Variants in NR4A1 observed in about 807,000 individuals in gnomAD.
The protein encoded by NR4A1 is nuclear receptor subfamily 4 group A member 1.
A neutral mutation model predicts 47.5 loss-of-function variants in NR4A1; 24 were observed. That is an observed-to-expected ratio of 0.50 (90% confidence interval 0.37 to 0.71). The LOEUF (loss-of-function observed/expected upper bound fraction) is 0.71, where lower values mean the gene tolerates loss of function less well. Among genes scored for constraint, NR4A1 ranks in the 30% least tolerant of loss-of-function variants. The pLI is 0.00. For synonymous variants in NR4A1, 353 were observed against 345.7 expected (o/e 1.02, Z -0.24); for missense variants, 669 against 788.6 (o/e 0.85, Z 1.82).
chr12:52,032,085 C>T (rs1036553390), intron 1 of NR4A1, among the ~76,000 whole-genome samples: 1 of 152,054 alleles, frequency 6.6e-6, no homozygotes, highest in Non-Finnish European at 1.5e-5. Flanking sequence ...CTTGAGCCAC[C>T]GTGATGGTTA....
At chr12:52,036,562 G>T (rs1380200108) in intron 1 of NR4A1, among the ~76,000 whole-genome samples, 1 of 152,206 alleles carries the variant, frequency 6.6e-6, no homozygotes, top group Non-Finnish European at 1.5e-5. Context: ...CAGTGGTATG[G>T]GAGCAGCCAG....
At chr12:52,041,343 CA>C (rs1938428668) in intron 1 of NR4A1, among the ~76,000 whole-genome samples, 2 of 152,164 alleles carry the variant, frequency 1.3e-5, no homozygotes, top group Admixed American at 6.5e-5. Context: ...TGGGATCCCA[CA>C]TCCACTCTAC....
intron 6 of NR4A1, among the ~76,000 whole-genome samples, chr12:52,058,158 G>C (rs554753241): frequency 5.3e-5 from 8 of 152,272 alleles, no homozygotes; most frequent in Non-Finnish European, 1.2e-4. Flanking sequence ...AGATCAGATT[G>C]GTTGTGCCTG....
intron 1 of NR4A1, among the ~76,000 whole-genome samples, chr12:52,023,771 G>A (rs1393900912): frequency 6.6e-6 from 1 of 152,048 alleles, no homozygotes; most frequent in Non-Finnish European, 1.5e-5. Flanking sequence ...ACCCCAGCCT[G>A]CCGAGCCGCT....
At chr12:52,051,277 C>T, upstream of NR4A1, 1 of 332,724 alleles carries the variant, frequency 3.0e-6, no homozygotes, top group Non-Finnish European at 4.3e-6. Flanking sequence ...CCCGCCCCCT[C>T]GGGCTCCCCG....
intron 1 of NR4A1, among the ~76,000 whole-genome samples, chr12:52,027,187 C>T (rs1938016675): frequency 6.6e-6 from 1 of 152,196 alleles, no homozygotes. Flanking sequence ...ACTTCCAGCC[C>T]GTTACATAAG....
At chr12:52,044,547 C>G (rs1214659173) in intron 2 of NR4A1, among the ~76,000 whole-genome samples, 1 of 152,170 alleles carries the variant, frequency 6.6e-6, no homozygotes, top group African/African-American at 2.4e-5. Flanking sequence ...CTTCCCAGTT[C>G]TCAAAAAAAA....
rs199890475 is a variant in NR4A1 at position 52,054,496 on chromosome 12, C to T, written c.168C>T (p.Phe56=). ...CTGCCCTGCCCAGCTTCAGCACCTT[C>T]ATGGACGGCTACACAGGAGAGTTTG... ...APTALPSFST[F]MDGYTGEFDT... The change falls in exon 2 of 7, where the codon TTC becomes TTT. Residue 56 remains phenylalanine, a synonymous_variant. Coordinates refer to ENST00000394825, the MANE Select transcript of NR4A1 (RefSeq NM_173157.3). 1.2e-6 allele frequency: 2 copies of T among 1,613,964 alleles called. No individual in the cohort carries two copies. Among genetic ancestry groups the T allele is most frequent in the East Asian group, 2.2e-5 (1 of 44,882 alleles).
chr12:52,028,434 C>T (rs1267461351), intron 1 of NR4A1, among the ~76,000 whole-genome samples: 3 of 151,876 alleles, frequency 2.0e-5, no homozygotes, highest in African/African-American at 4.8e-5. Context: ...ATTAGCTGGG[C>T]GTGGTGGCTC....
chr12:52,054,122 C>T (rs2120462891), intron 1 of NR4A1: 1 of 579,110 alleles, frequency 1.7e-6, no homozygotes, highest in East Asian at 2.9e-5. Flanking sequence ...GGGCCGCTGC[C>T]CAGGGGCTTT....
chr12:52,046,698 T>C (rs996006243), upstream of NR4A1, among the ~76,000 whole-genome samples: 1 of 152,092 alleles, frequency 6.6e-6, no homozygotes, highest in African/African-American at 2.4e-5. Flanking sequence ...TAAAATAAAA[T>C]TTGGGCCGGG....
rs535644891 is a variant in NR4A1 at position 52,043,755 on chromosome 12, C to T, written c.37+1826C>T. Reference sequence around the variant, plus strand: ...AGAGCTCGCTCAGCTGCTGCCCAGCCTCGGCTGTGAGGATAGGCTGGCTGG... The same window carrying T: ...AGAGCTCGCTCAGCTGCTGCCCAGCTTCGGCTGTGAGGATAGGCTGGCTGG... On this transcript the variant is annotated intron_variant, in intron 2 of 7. Coordinates refer to the NR4A1 transcript ENST00000360284. 152 of 1,286,244 alleles carry T rather than the reference C, an allele frequency of 1.2e-4. 1 individual carries two copies. In the African/African-American group the frequency reaches 2.2e-3, roughly 19 times the overall value. 79.7% of individuals were successfully genotyped at this position (1,286,244 alleles called of 1,614,324 possible).
At chr12:52,037,534 C>T (rs1938279856) in intron 1 of NR4A1, 7 of 980,172 alleles carry the variant, frequency 7.1e-6, no homozygotes, top group Non-Finnish European at 8.5e-6. Context: ...GGCTCGGGGC[C>T]ACGCCGGAGT....
chr12:52,049,080 C>G (rs531984031), upstream of NR4A1, among the ~76,000 whole-genome samples: 36 of 152,148 alleles, frequency 2.4e-4, 1 homozygote, highest in Non-Finnish European at 1.2e-4. Flanking sequence ...ATGGAGGGTT[C>G]TGGCAGGTTC....
upstream of NR4A1, among the ~76,000 whole-genome samples, chr12:52,050,257 G>T (rs1051510727): frequency 1.3e-5 from 2 of 152,128 alleles, no homozygotes; most frequent in African/African-American, 2.4e-5. Flanking sequence ...TCACTCCACC[G>T]GGCAGGTGAT....
At chr12:52,032,132 C>G (rs1592281384) in intron 1 of NR4A1, among the ~76,000 whole-genome samples, 1 of 152,060 alleles carries the variant, frequency 6.6e-6, no homozygotes, top group East Asian at 1.9e-4. Flanking sequence ...AAGGGATGCT[C>G]AAATAGCTGG....
At chr12:52,058,601 G>C (rs554754532) in intron 6 of NR4A1, 87 bp from the exon 7 acceptor site, 1 of 1,441,888 alleles carries the variant, frequency 6.9e-7, no homozygotes, top group South Asian at 1.5e-5. Context: ...GGGTGGTCAG[G>C]GGCAGCAGTT....
At chr12:52,036,136 G>A (rs1046019569) in intron 1 of NR4A1, among the ~76,000 whole-genome samples, 8 of 152,146 alleles carry the variant, frequency 5.3e-5, no homozygotes, top group African/African-American at 7.2e-5. Context: ...AACTTTGGCC[G>A]GGCCTTCCTG....
intron 1 of NR4A1, 146 bp downstream of exon 1, chr12:52,051,714 C>T (rs2120415341): frequency 2.1e-6 from 1 of 486,114 alleles, no homozygotes; most frequent in Admixed American, 6.4e-5. Context: ...GGATGAGAAC[C>T]CAGGTCAGAC....
Sources: gnomAD v4.1 joint callset for allele counts (sites outside exome capture counted in the v4.1 genomes callset) on GRCh38, gnomAD v4.1.1 for gene constraint, MANE v1.5 for transcripts, NCBI Gene and HGNC (gene_info 2026-07-23, HGNC 2026-07-21) for gene names.